Variants in GALNTL5 observed in about 807,000 individuals in gnomAD.
The protein encoded by GALNTL5 is polypeptide N-acetylgalactosaminyltransferase like 5, also known as inactive polypeptide N-acetylgalactosaminyltransferase-like protein 5.
Under a neutral mutation model 51.0 loss-of-function variants are expected in GALNTL5, and 44 were observed. That is an observed-to-expected ratio of 0.86 (90% CI 0.68 to 1.11). The LOEUF (loss-of-function observed/expected upper bound fraction) is 1.11, where lower values mean the gene tolerates loss of function less well. Ranked by LOEUF, GALNTL5 falls within the 50% of genes least tolerant of loss-of-function variation. GALNTL5 has a pLI of 0.00. For missense variants in GALNTL5, 528 were observed against 531.8 expected (o/e 0.99, Z 0.07); for synonymous variants, 192 against 182.8 (o/e 1.05, Z -0.41).
At chr7:151,980,010 T>C (rs968237641) in intron 3 of GALNTL5, among the ~76,000 whole-genome samples, 1 of 152,206 alleles carries the variant, frequency 6.6e-6, no homozygotes, top group Admixed American at 6.5e-5. Context: ...TTCATGGTAT[T>C]GGCCTTCCGT....
At chr7:151,988,898 C>T (rs982818776) in intron 5 of GALNTL5, among the ~76,000 whole-genome samples, 1 of 151,866 alleles carries the variant, frequency 6.6e-6, no homozygotes, top group African/African-American at 2.4e-5. Flanking sequence ...CGGGGTTTTG[C>T]CATGTTGGCC....
At chr7:152,002,423 A>AT (rs2081591941) in intron 5 of GALNTL5, among the ~76,000 whole-genome samples, 1 of 152,176 alleles carries the variant, frequency 6.6e-6, no homozygotes, top group African/African-American at 2.4e-5. Flanking sequence ...AGCTAAAATC[A>AT]TTTTTTAAAA....
chr7:152,002,831 T>C lies in GALNTL5; in HGVS notation c.776T>C (p.Ile259Thr), dbSNP rs1028380161. The C allele has an allele frequency of 3.1e-6, 5 of 1,614,052 alleles. No individual in the cohort carries two copies. The highest frequency in any genetic ancestry group is 1.3e-5 in the African/African-American group (1 of 74,916). ...GTGGTGTGCCCCCTGATAGATGTCA[T>C]TGATGATAGAACTCTGGAGTATAAG... ...KMVVCPLIDVIDDRTLEYKPS... is the reference protein window; with the variant it reads ...KMVVCPLIDVTDDRTLEYKPS... The change falls in exon 6 of 9, where the codon ATT (isoleucine) becomes ACT (threonine). Residue 259 changes from isoleucine (I) to threonine (T), a missense_variant. Ile to Thr is a moderately conservative substitution (Grantham distance 89). Coordinates refer to ENST00000392800, the MANE Select transcript of GALNTL5 (RefSeq NM_145292.4).
At chr7:152,015,158 G>A (rs2081790903) in intron 8 of GALNTL5, among the ~76,000 whole-genome samples, 1 of 151,998 alleles carries the variant, frequency 6.6e-6, no homozygotes, top group East Asian at 1.9e-4. Flanking sequence ...CCTATTCTCA[G>A]TTCATCCTAA....
chr7:151,980,230 T>C (rs2081261969), intron 3 of GALNTL5, among the ~76,000 whole-genome samples: 2 of 152,134 alleles, frequency 1.3e-5, no homozygotes, highest in Admixed American at 6.6e-5. Flanking sequence ...ATTACAGTCA[T>C]GCACCACCAC....
At chr7:152,015,661 T>C (rs1228110994) in intron 8 of GALNTL5, among the ~76,000 whole-genome samples, 1 of 152,066 alleles carries the variant, frequency 6.6e-6, no homozygotes, top group East Asian at 1.9e-4. Context: ...ACCCGGCCCA[T>C]GTGCAACTCT....
intron 5 of GALNTL5, among the ~76,000 whole-genome samples, chr7:151,991,106 T>C (rs1385613953): frequency 6.7e-6 from 1 of 149,776 alleles, no homozygotes; most frequent in Non-Finnish European, 1.5e-5. Flanking sequence ...TTGTTTGTTG[T>C]TGTTGAGATG....
At chr7:151,977,279 G>A (rs994227780) in intron 3 of GALNTL5, among the ~76,000 whole-genome samples, 1 of 152,152 alleles carries the variant, frequency 6.6e-6, no homozygotes, top group African/African-American at 2.4e-5. Flanking sequence ...TAGAAAATAA[G>A]TTATAAGTGG....
At chr7:151,992,425 C>T (rs1358515475) in intron 5 of GALNTL5, among the ~76,000 whole-genome samples, 2 of 152,204 alleles carry the variant, frequency 1.3e-5, no homozygotes, top group Non-Finnish European at 2.9e-5. Flanking sequence ...CAGGACCTCA[C>T]TCCTTCTGAG....
At chr7:151,973,239 G>A (rs962940511) in intron 3 of GALNTL5, among the ~76,000 whole-genome samples, 3 of 151,800 alleles carry the variant, frequency 2.0e-5, no homozygotes, top group East Asian at 1.9e-4. Flanking sequence ...GGTGGATCAC[G>A]AGGTCAGGAG....
chr7:151,967,336 T>A lies in GALNTL5; in HGVS notation c.90T>A (p.Asn30Lys), dbSNP rs1171973539. ...TGTTATTCATATATTTGCACCATAA[T>A]CATGTGAGCAGCTGGCAGAAGAAAA... ...TALLFIYLHHNHVSSWQKKSQ... is the reference protein window; with the variant it reads ...TALLFIYLHHKHVSSWQKKSQ... Residue 30 changes from asparagine to lysine, a missense_variant, in exon 2 of 9, where the codon AAT becomes AAA. Physicochemically the swap from Asn to Lys is moderately conservative, Grantham distance 94. Coordinates refer to ENST00000392800, the MANE Select transcript of GALNTL5 (RefSeq NM_145292.4). 6.2e-7 allele frequency: 1 copy of A among 1,614,178 alleles called. No individual in the cohort carries two copies. Among genetic ancestry groups the A allele is most frequent in the Admixed American group, 1.7e-5 (1 of 60,026 alleles).
intron 5 of GALNTL5, among the ~76,000 whole-genome samples, chr7:151,998,955 C>T (rs1007504038): frequency 6.6e-6 from 1 of 152,074 alleles, no homozygotes; most frequent in Non-Finnish European, 1.5e-5. Flanking sequence ...AATTAAGTAG[C>T]ATTTCGCACC....
chr7:151,997,474 G>T (rs747552449), intron 5 of GALNTL5, among the ~76,000 whole-genome samples: 4 of 152,160 alleles, frequency 2.6e-5, no homozygotes, highest in Non-Finnish European at 5.9e-5. Flanking sequence ...TCTCCTTACA[G>T]GATGTAAATT....
intron 3 of GALNTL5, among the ~76,000 whole-genome samples, chr7:151,979,658 TG>T (rs1467870294): frequency 6.6e-6 from 1 of 152,116 alleles, no homozygotes; most frequent in Non-Finnish European, 1.5e-5. Context: ...GGTTTCACCA[TG>T]TTAGCCAGGC....
At chr7:151,995,909 C>G (rs1343159274) in intron 5 of GALNTL5, among the ~76,000 whole-genome samples, 1 of 152,200 alleles carries the variant, frequency 6.6e-6, no homozygotes, top group Non-Finnish European at 1.5e-5. Flanking sequence ...AGATTAGAGA[C>G]TGGCTCTAGG....
intron 1 of GALNTL5, among the ~76,000 whole-genome samples, chr7:151,966,304 G>T (rs1172909850): frequency 6.9e-6 from 1 of 144,424 alleles, no homozygotes; most frequent in Non-Finnish European, 1.5e-5. Flanking sequence ...TTTCATTCTT[G>T]TTGCCCAGGC....
At chr7:152,006,076 G>A (rs2081638418) in intron 6 of GALNTL5, among the ~76,000 whole-genome samples, 1 of 152,198 alleles carries the variant, frequency 6.6e-6, no homozygotes, top group Non-Finnish European at 1.5e-5. Context: ...TGGCAAAGGA[G>A]ATGGGAAGGA....
chr7:152,014,763 A>C lies in GALNTL5; in HGVS notation c.1146A>C (p.Arg382Ser). Residue 382 changes from arginine (R) to serine (S), a missense_variant, in exon 8 of 9, where the codon AGA becomes AGC. Physicochemically the swap from Arg to Ser is moderately radical, Grantham distance 110. Coordinates refer to ENST00000392800, the MANE Select transcript of GALNTL5 (RefSeq NM_145292.4). ...IISAMTHNYL[R>S]LVHVWLDEYK... ...GTGCTATGACACATAACTACCTAAG[A>C]CTGGTGCACGTTTGGCTGGATGAAT... 1 of 1,611,884 alleles carries C rather than the reference A, an allele frequency of 6.2e-7. No homozygotes were observed. Among genetic ancestry groups the C allele is most frequent in the Non-Finnish European group, 8.5e-7 (1 of 1,179,436 alleles).
chr7:151,979,705 C>A (rs147781480), intron 3 of GALNTL5, among the ~76,000 whole-genome samples: 2,686 of 152,244 alleles, frequency 0.018, 77 homozygotes, highest in African/African-American at 0.061. Context: ...GATCCGCCCA[C>A]CTTGGCCTCC....
Sources: gnomAD v4.1 joint callset for allele counts (sites outside exome capture counted in the v4.1 genomes callset) on GRCh38, gnomAD v4.1.1 for gene constraint, MANE v1.5 for transcripts, NCBI Gene and HGNC (gene_info 2026-07-23, HGNC 2026-07-21) for gene names.